Variants in SLC14A1 observed in about 807,000 individuals in gnomAD.
SLC14A1 encodes urea transporter 1.
A neutral mutation model predicts 39.6 loss-of-function variants in SLC14A1; 36 were observed. That is an observed-to-expected ratio of 0.91 (90% CI 0.70 to 1.20). The LOEUF (loss-of-function observed/expected upper bound fraction) is 1.20, where lower values mean the gene tolerates loss of function less well. Ranked by LOEUF, SLC14A1 falls within the 50% of genes most tolerant of loss-of-function variation. The pLI is 0.00. For synonymous variants in SLC14A1, 164 were observed against 173.6 expected (o/e 0.94, Z 0.43); for missense variants, 469 against 478.7 (o/e 0.98, Z 0.19).
chr18:45,735,912 G>A (rs1165316405), intron 5 of SLC14A1, among the ~76,000 whole-genome samples: 1 of 152,148 alleles, frequency 6.6e-6, no homozygotes, highest in Non-Finnish European at 1.5e-5. Context: ...GATGCGCCTT[G>A]CCTAGGTCAT....
At position 45,751,562 on chromosome 18, in the gene SLC14A1, G is replaced by A. The variant is rs1464227364; in HGVS notation, c.*1611G>A. 3 of 964,886 alleles carry A rather than the reference G, an allele frequency of 3.1e-6. No homozygotes were observed. Among genetic ancestry groups the A allele is most frequent in the Non-Finnish European group, 3.7e-6 (3 of 811,686 alleles). The allele number at this position is 964,886 out of a possible 1,614,324, so 59.8% of individuals were successfully genotyped here. ...GGAGATGGAGGTAAAAGGATCTCTT[G>A]AGCCCAGGAGTTCAAGACCAGCTTG... On this transcript the variant is annotated 3_prime_UTR_variant, in exon 10 of 10. Coordinates refer to ENST00000321925, the MANE Select transcript of SLC14A1 (RefSeq NM_015865.7).
chr18:45,732,597 G>T (rs2047064295), intron 4 of SLC14A1, among the ~76,000 whole-genome samples: 1 of 151,834 alleles, frequency 6.6e-6, no homozygotes, highest in Non-Finnish European at 1.5e-5. Context: ...GGCCCAGTTA[G>T]AAACAAGCCA....
intron 2 of SLC14A1, among the ~76,000 whole-genome samples, chr18:45,727,955 G>A (rs1032648884): frequency 2.6e-5 from 4 of 152,166 alleles, no homozygotes; most frequent in Admixed American, 2.0e-4. Context: ...AGGGGCTCTA[G>A]AAGGGTTCAG....
intron 5 of SLC14A1, among the ~76,000 whole-genome samples, chr18:45,735,252 T>C (rs1452774415): frequency 2.0e-5 from 3 of 152,196 alleles, no homozygotes; most frequent in African/African-American, 4.8e-5. Context: ...TTGAGCAATA[T>C]GAGAATCACC....
intron 7 of SLC14A1, 75 bp downstream of exon 7, chr18:45,739,385 C>T (rs374625055): frequency 1.2e-6 from 2 of 1,610,958 alleles, no homozygotes; most frequent in East Asian, 2.2e-5. Context: ...CTTCTGTGCT[C>T]CAGATCTTCC....
At position 45,736,349 on chromosome 18, in the gene SLC14A1, G is replaced by C; in HGVS notation, c.471-107G>C. ...TGTGGCAAATGTGCCAACACAACAC[G>C]TAAGGGGCCTGTTGGCAGGTGAAAC... On this transcript the variant is annotated intron_variant, in intron 5 of 9. Transcript: ENST00000321925. The C allele has an allele frequency of 4.8e-6, 5 of 1,045,440 alleles. No homozygotes were observed. The South Asian group carries it at 5.1e-5, about 11-fold the overall frequency. 64.8% of individuals were successfully genotyped at this position (1,045,440 alleles called of 1,614,324 possible).
intron 2 of SLC14A1, chr18:45,727,226 G>A (rs1191819442): frequency 6.5e-7 from 1 of 1,545,918 alleles, no homozygotes; most frequent in Non-Finnish European, 8.8e-7. Flanking sequence ...ACGTCATGCT[G>A]ATTCACATAT....
At chr18:45,748,018 C>G (rs529813123) in intron 8 of SLC14A1, among the ~76,000 whole-genome samples, 2 of 152,304 alleles carry the variant, frequency 1.3e-5, no homozygotes, top group South Asian at 4.2e-4. Context: ...CCATGGAAGG[C>G]CTTTCCCTTA....
At chr18:45,740,451 AAC>A (rs2047334654) in intron 8 of SLC14A1, among the ~76,000 whole-genome samples, 1 of 151,974 alleles carries the variant, frequency 6.6e-6, no homozygotes, top group Admixed American at 6.6e-5. Context: ...TTTTCTAAAA[AAC>A]AGTCTCATTC....
chr18:45,739,848 T>C (rs1041957241), intron 8 of SLC14A1, 186 bp downstream of exon 8: 6 of 678,046 alleles, frequency 8.8e-6, no homozygotes, highest in Non-Finnish European at 1.6e-5. Context: ...CACCTCTGCC[T>C]ACCTCTCTGA....
At chr18:45,733,987 C>G in intron 4 of SLC14A1, 1 of 398,890 alleles carries the variant, frequency 2.5e-6, no homozygotes, top group Non-Finnish European at 4.7e-6. Flanking sequence ...CCGAAATCAT[C>G]CCCCATTCCC....
intron 8 of SLC14A1, among the ~76,000 whole-genome samples, chr18:45,742,778 G>A (rs1325689423): frequency 2.7e-5 from 4 of 149,000 alleles, no homozygotes; most frequent in South Asian, 2.1e-4. Context: ...CCCGGGTCCC[G>A]GTTCAAGCAA....
intron 8 of SLC14A1, among the ~76,000 whole-genome samples, chr18:45,744,038 A>G (rs1599314336): frequency 6.7e-6 from 1 of 149,560 alleles, no homozygotes; most frequent in African/African-American, 2.5e-5. Flanking sequence ...TTTGAGACAG[A>G]GTCTCACTCT....
intron 8 of SLC14A1, chr18:45,747,315 T>A (rs2047572198): frequency 6.6e-6 from 1 of 152,176 alleles, no homozygotes; most frequent in Non-Finnish European, 1.5e-5. Context: ...GATCTTTGCT[T>A]TTGTTGTTTT....
intron 8 of SLC14A1, among the ~76,000 whole-genome samples, chr18:45,747,996 G>A (rs1266020863): frequency 6.6e-6 from 1 of 152,186 alleles, no homozygotes; most frequent in African/African-American, 2.4e-5. Flanking sequence ...AAACATCAGA[G>A]AAATTTATTT....
At chr18:45,725,400 C>T (rs369482875) in intron 2 of SLC14A1, among the ~76,000 whole-genome samples, 2 of 152,146 alleles carry the variant, frequency 1.3e-5, no homozygotes, top group African/African-American at 4.8e-5. Context: ...CACACATAAG[C>T]CTTGCTGTAG....
intron 4 of SLC14A1, among the ~76,000 whole-genome samples, chr18:45,733,428 T>A (rs918703587): frequency 1.3e-5 from 2 of 152,182 alleles, no homozygotes; most frequent in African/African-American, 4.8e-5. Flanking sequence ...AATAGAAGCA[T>A]CAGGACACAA....
At chr18:45,731,299 A>T (rs2047023551) in intron 4 of SLC14A1, 95 bp downstream of exon 4, 1 of 1,189,098 alleles carries the variant, frequency 8.4e-7, no homozygotes. Flanking sequence ...CATCCTTCCC[A>T]GGATAAACAA....
At chr18:45,726,367 A>C (rs2046862507) in intron 2 of SLC14A1, among the ~76,000 whole-genome samples, 1 of 152,254 alleles carries the variant, frequency 6.6e-6, no homozygotes. Context: ...ACACAACTGG[A>C]ACTTCTGGTA....
Sources: gnomAD v4.1 joint callset for allele counts (sites outside exome capture counted in the v4.1 genomes callset) on GRCh38, gnomAD v4.1.1 for gene constraint, MANE v1.5 for transcripts, NCBI Gene and HGNC (gene_info 2026-07-23, HGNC 2026-07-21) for gene names.